The following OPCML variants were observed in gnomAD, a reference collection of about 807,000 sequenced individuals.
OPCML encodes the protein opioid binding protein/cell adhesion molecule like.
OPCML carries 13 observed loss-of-function variants against 37.8 expected under a neutral mutation model. That is an observed-to-expected ratio of 0.34 (90% CI 0.22 to 0.55). OPCML has a LOEUF of 0.55. Ranked by LOEUF, OPCML falls within the 20% of genes least tolerant of loss-of-function variation. The pLI is 0.91. For synonymous variants in OPCML, 176 were observed against 168.8 expected (o/e 1.04, Z -0.33); for missense variants, 341 against 435.6 (o/e 0.78, Z 1.93).
intron 1 of OPCML, among the ~76,000 whole-genome samples, chr11:133,093,164 A>C (rs1052219981): frequency 6.6e-6 from 1 of 151,986 alleles, no homozygotes; most frequent in African/African-American, 2.4e-5. Context: ...ATTTTGGTGT[A>C]CCCATCACCC....
intron 1 of OPCML, among the ~76,000 whole-genome samples, chr11:133,509,592 T>A (rs991824435): frequency 6.6e-6 from 1 of 152,114 alleles, no homozygotes; most frequent in East Asian, 1.9e-4. Flanking sequence ...CTCTCACACT[T>A]CCTATGACAA....
In OPCML at chr11:132,943,924, C is replaced by A. The variant is rs1383670577; in HGVS notation, c.62-914G>T. Among the ~76,000 whole-genome samples, 1 of 151,764 alleles carries A rather than the reference C, an allele frequency of 6.6e-6. No individual in the cohort carries two copies. The highest frequency in any genetic ancestry group is 1.5e-5 in the Non-Finnish European group (1 of 67,878). On this transcript the variant is annotated intron_variant, in intron 1 of 7. Transcript: ENST00000524381. This position sits in a 1 kb window ranked among gnomAD's most constrained non-coding sequence, Gnocchi z 4.3. ...GGAGCAGCCCCGACGCGCGCGGGCCCGGACCGCCGGGGTTGTCATGGCAGC... is the reference window on the plus strand; with the variant it reads ...GGAGCAGCCCCGACGCGCGCGGGCCAGGACCGCCGGGGTTGTCATGGCAGC...
chr11:133,081,593 G>A (rs977684146), intron 1 of OPCML, among the ~76,000 whole-genome samples: 5 of 152,114 alleles, frequency 3.3e-5, no homozygotes, highest in Admixed American at 2.0e-4. Context: ...GATGACAGAC[G>A]GAGGCTTCTA....
At chr11:133,404,870 T>C (rs1338134879) in intron 1 of OPCML, among the ~76,000 whole-genome samples, 1 of 152,176 alleles carries the variant, frequency 6.6e-6, no homozygotes, top group Non-Finnish European at 1.5e-5. Context: ...AATAATAAAA[T>C]ACAAACAGAT....
intron 1 of OPCML, among the ~76,000 whole-genome samples, chr11:133,461,771 G>A (rs192035011): frequency 1.9e-4 from 29 of 151,798 alleles, no homozygotes; most frequent in Admixed American, 7.2e-4. Context: ...TGTAAGAATC[G>A]AAAAATTTAT....
chr11:133,024,590 G>T, intron 1 of OPCML: 1 of 983,780 alleles, frequency 1.0e-6, no homozygotes, highest in Non-Finnish European at 1.2e-6. Flanking sequence ...TTTTTGCCCT[G>T]TGAATATTTA....
chr11:133,521,065 T>C lies in OPCML; in HGVS notation c.61+11199A>G, dbSNP rs561959764. On this transcript the variant is annotated intron_variant, in intron 1 of 7. Transcript: ENST00000524381. Reference sequence around the variant, plus strand: ...CAGAGAGAGAGGAAGTCACAGAAAATGGAGAGAGAAATGCCCAGACAAGGG... The same window carrying C: ...CAGAGAGAGAGGAAGTCACAGAAAACGGAGAGAGAAATGCCCAGACAAGGG... 1.2e-4 allele frequency among the ~76,000 whole-genome samples: 19 copies of C among 152,080 alleles called. No individual in the cohort carries two copies. In the East Asian group the frequency reaches 3.1e-3, roughly 25 times the overall value.
intron 1 of OPCML, among the ~76,000 whole-genome samples, chr11:133,381,091 A>G (rs1944918967): frequency 6.6e-6 from 1 of 152,246 alleles, no homozygotes; most frequent in African/African-American, 2.4e-5. Flanking sequence ...GCAGCAGGGA[A>G]GCCTGACAGG....
Position 132,943,748 on chromosome 11 carries a change from C to T in OPCML, c.62-738G>A, listed in dbSNP as rs1207573640. ...GCCCGGTCGGCGACTCGCGGCCAGCCGGGGGAGCGCCGCCCGGCGCAGGCT... is the reference window on the plus strand; with the variant it reads ...GCCCGGTCGGCGACTCGCGGCCAGCTGGGGGAGCGCCGCCCGGCGCAGGCT... On this transcript the variant is annotated intron_variant, in intron 1 of 7. Transcript: ENST00000524381. The surrounding 1 kb of genome is among the most constrained non-coding windows in gnomAD (Gnocchi z 4.3). 1 of 150,862 alleles carries T rather than the reference C, an allele frequency of 6.6e-6. No individual in the cohort carries two copies. The highest frequency in any genetic ancestry group is 6.6e-5 in the Admixed American group (1 of 15,138). 9.3% of individuals were successfully genotyped at this position (150,862 alleles called of 1,614,324 possible). A position where few individuals can be genotyped will look rare whatever the true frequency, so the allele number is the denominator to read the frequency against.
chr11:133,529,854 T>C (rs905373555), intron 1 of OPCML, among the ~76,000 whole-genome samples: 7 of 152,192 alleles, frequency 4.6e-5, no homozygotes, highest in Admixed American at 4.6e-4. Context: ...AAGTAAGCCA[T>C]GGCAGCTCAT....
intron 1 of OPCML, among the ~76,000 whole-genome samples, chr11:133,192,141 A>T: frequency 6.6e-6 from 1 of 152,180 alleles, no homozygotes; most frequent in Non-Finnish European, 1.5e-5. Context: ...ATTGAATTGT[A>T]AGTGCTTGTC....
intron 1 of OPCML, among the ~76,000 whole-genome samples, chr11:133,314,195 A>C (rs1943143151): frequency 1.6e-5 from 2 of 126,098 alleles, no homozygotes; most frequent in East Asian, 2.6e-4. Flanking sequence ...AGATCGCGCC[A>C]CTGCACTCCA....
At chr11:133,009,728 A>C (rs1050615696) in intron 1 of OPCML, among the ~76,000 whole-genome samples, 4 of 152,176 alleles carry the variant, frequency 2.6e-5, no homozygotes, top group African/African-American at 9.7e-5. Context: ...CGTAATTCAC[A>C]GCAGGGTTTG....
intron 3 of OPCML, among the ~76,000 whole-genome samples, chr11:132,621,612 G>C (rs898760831): frequency 3.9e-5 from 6 of 152,192 alleles, no homozygotes; most frequent in African/African-American, 1.4e-4. Context: ...ATGATGTTTG[G>C]GGAGGGATTA....
At chr11:133,532,042 CG>C (rs777210708) in intron 1 of OPCML, 1 of 281,002 alleles carries the variant, frequency 3.6e-6, no homozygotes, top group Non-Finnish European at 5.3e-6. Flanking sequence ...CTGGATCCCC[CG>C]GAACAGAGAG....
chr11:132,988,696 A>T (rs1946722948), intron 1 of OPCML, among the ~76,000 whole-genome samples: 1 of 152,232 alleles, frequency 6.6e-6, no homozygotes, highest in Non-Finnish European at 1.5e-5. Flanking sequence ...ATAGAAGATT[A>T]AAGGCGATGA....
chr11:132,758,720 T>C (rs1946151175), intron 2 of OPCML, among the ~76,000 whole-genome samples: 1 of 152,228 alleles, frequency 6.6e-6, no homozygotes, highest in South Asian at 2.1e-4. Flanking sequence ...TGGTGTTTTC[T>C]AAATACACAA....
intron 1 of OPCML, among the ~76,000 whole-genome samples, chr11:132,978,114 G>A (rs956703689): frequency 2.6e-5 from 4 of 152,130 alleles, no homozygotes; most frequent in Non-Finnish European, 4.4e-5. Context: ...GGCTAAATAG[G>A]ACCTCTGTCT....
chr11:132,582,901 A>G (rs900745780), intron 3 of OPCML, among the ~76,000 whole-genome samples: 5 of 139,930 alleles, frequency 3.6e-5, no homozygotes, highest in African/African-American at 1.3e-4. Context: ...GCTGGAGTAC[A>G]ATGGAGTGAT....
Sources: gnomAD v4.1 joint callset for allele counts (sites outside exome capture counted in the v4.1 genomes callset) on GRCh38, gnomAD v4.1.1 for gene constraint, Gnocchi (gnomAD v3.1) non-coding constraint, MANE v1.5 for transcripts, NCBI Gene and HGNC (gene_info 2026-07-23, HGNC 2026-07-21) for gene names.